Variants in RAB7A observed in about 807,000 individuals in gnomAD.
RAB7A encodes ras-related protein Rab-7a.
A neutral mutation model predicts 24.5 loss-of-function variants in RAB7A; 2 were observed. The ratio of observed to expected loss-of-function variants is 0.08; its 90% CI spans 0.03 to 0.26. The LOEUF is 0.26. Ranked by LOEUF, RAB7A falls within the 10% of genes least tolerant of loss-of-function variation. RAB7A has a pLI of 1.00. For synonymous variants in RAB7A, 100 were observed against 95.9 expected (o/e 1.04, Z -0.25); for missense variants, 118 against 255.7 (o/e 0.46, Z 3.67).
chr3:128,793,889 C>T (rs1933513604), intron 1 of RAB7A, among the ~76,000 whole-genome samples: 1 of 152,202 alleles, frequency 6.6e-6, no homozygotes, highest in Admixed American at 6.5e-5. Context: ...CTGCATAGGT[C>T]ATGGGACCTG....
chr3:128,810,042 A>G (rs914795233), intron 5 of RAB7A, among the ~76,000 whole-genome samples: 1 of 138,334 alleles, frequency 7.2e-6, no homozygotes, highest in Non-Finnish European at 1.5e-5. Flanking sequence ...TCCGCCTCCC[A>G]GGTTCAAGCG....
chr3:128,756,696 A>G (rs1411238207), intron 1 of RAB7A, among the ~76,000 whole-genome samples: 1 of 152,174 alleles, frequency 6.6e-6, no homozygotes, highest in Non-Finnish European at 1.5e-5. Flanking sequence ...CCAGTAGCCA[A>G]AATAATCTTG....
At chr3:128,785,369 C>G (rs1299662455) in intron 1 of RAB7A, 1 of 152,134 alleles carries the variant, frequency 6.6e-6, no homozygotes, top group Non-Finnish European at 1.5e-5. Flanking sequence ...AACATCTCTC[C>G]TATGCTGATC....
intron 1 of RAB7A, among the ~76,000 whole-genome samples, chr3:128,773,566 C>T (rs913716107): frequency 1.3e-5 from 2 of 152,176 alleles, no homozygotes; most frequent in Non-Finnish European, 1.5e-5. Context: ...CCCCTCTGCC[C>T]GGCCACCACC....
At chr3:128,809,811 G>A (rs1933881344) in intron 5 of RAB7A, among the ~76,000 whole-genome samples, 1 of 151,056 alleles carries the variant, frequency 6.6e-6, no homozygotes, top group Non-Finnish European at 1.5e-5. Context: ...TGTGCTAAAT[G>A]CTCGTATGTG....
chr3:128,726,518 G>A (rs1040933127), intron 1 of RAB7A, among the ~76,000 whole-genome samples, 159 bp downstream of exon 1: 15 of 152,240 alleles, frequency 9.9e-5, no homozygotes, highest in Non-Finnish European at 1.9e-4. Flanking sequence ...CCCGGAGCAG[G>A]CCAAGACCCC....
At chr3:128,801,916 A>C (rs1271100446) in intron 3 of RAB7A, among the ~76,000 whole-genome samples, 2 of 152,210 alleles carry the variant, frequency 1.3e-5, no homozygotes, top group Non-Finnish European at 2.9e-5. Flanking sequence ...CCTGACAAGC[A>C]CAGCACTGAG....
chr3:128,772,267 G>A (rs1215173769), intron 1 of RAB7A, among the ~76,000 whole-genome samples: 2 of 152,214 alleles, frequency 1.3e-5, no homozygotes, highest in Non-Finnish European at 2.9e-5. Context: ...CTGAAGGGCA[G>A]TGAAAGGCTA....
intron 1 of RAB7A, among the ~76,000 whole-genome samples, chr3:128,742,267 C>T (rs1273774501): frequency 1.3e-5 from 2 of 152,104 alleles, no homozygotes; most frequent in Non-Finnish European, 2.9e-5. Flanking sequence ...AGTGAAGCTG[C>T]AGACCTTCTC....
At chr3:128,733,813 T>A (rs529974545) in intron 1 of RAB7A, among the ~76,000 whole-genome samples, 71 of 152,298 alleles carry the variant, frequency 4.7e-4, no homozygotes, top group Non-Finnish European at 7.6e-4. Flanking sequence ...ACTTAAAAAT[T>A]TTAGGTGGAC....
chr3:128,797,262 T>A lies in RAB7A; in HGVS notation c.54-681T>A, dbSNP rs558089643. ...ACACAAATATGAACATGTTCCTTTG[T>A]GGCCAAGAAAGGTGATATCACTGGC... On this transcript the variant is annotated intron_variant, in intron 2 of 5. Transcript: ENST00000265062. Among the ~76,000 whole-genome samples, 10 of 152,316 alleles carry A rather than the reference T, an allele frequency of 6.6e-5. No homozygotes were observed. The East Asian group carries it at 1.9e-3, about 29-fold the overall frequency.
intron 1 of RAB7A, among the ~76,000 whole-genome samples, chr3:128,745,064 C>T (rs1460987444): frequency 6.6e-6 from 1 of 151,880 alleles, no homozygotes; most frequent in Admixed American, 6.6e-5. Context: ...TTAGTAGAGA[C>T]AGGGTTTCAC....
intron 1 of RAB7A, among the ~76,000 whole-genome samples, chr3:128,727,543 T>C (rs1427878464): frequency 6.6e-6 from 1 of 152,184 alleles, no homozygotes; most frequent in Admixed American, 6.5e-5. Flanking sequence ...ATCACACATA[T>C]TGTGGTGTAG....
intron 1 of RAB7A, among the ~76,000 whole-genome samples, chr3:128,746,204 C>T (rs892448815): frequency 6.6e-6 from 1 of 152,184 alleles, no homozygotes; most frequent in Non-Finnish European, 1.5e-5. Flanking sequence ...CTCCCACCAC[C>T]CCAGCCTCTG....
intron 4 of RAB7A, 133 bp from the exon 5 acceptor site, chr3:128,807,410 A>G (rs758043678): frequency 4.2e-5 from 57 of 1,357,070 alleles, no homozygotes; most frequent in Non-Finnish European, 5.8e-5. Flanking sequence ...CTCCTCCAAC[A>G]CCCTCTTTCC....
chr3:128,804,152 C>T, intron 3 of RAB7A, among the ~76,000 whole-genome samples: 1 of 149,466 alleles, frequency 6.7e-6, no homozygotes, highest in East Asian at 2.0e-4. Flanking sequence ...TAGACTTCAA[C>T]TTCAACTTAT....
At chr3:128,790,168 T>C (rs925801139) in intron 1 of RAB7A, among the ~76,000 whole-genome samples, 1 of 152,214 alleles carries the variant, frequency 6.6e-6, no homozygotes, top group African/African-American at 2.4e-5. Flanking sequence ...ACCTTTTAAC[T>C]TTTGCCAGTT....
At chr3:128,763,869 C>CT (rs994349612) in intron 1 of RAB7A, among the ~76,000 whole-genome samples, 2 of 53,528 alleles carry the variant, frequency 3.7e-5, no homozygotes, top group African/African-American at 3.3e-4. Context: ...TTCCCGCCCC[C>CT]CCCCCCGCCC....
intron 3 of RAB7A, among the ~76,000 whole-genome samples, chr3:128,800,789 T>C (rs537046668): frequency 8.5e-4 from 129 of 152,290 alleles, no homozygotes; most frequent in African/African-American, 3.0e-3. Flanking sequence ...TAAGGGCTAG[T>C]GGCAGAAGTT....
Sources: allele counts gnomAD v4.1 joint callset (sites outside exome capture counted in the v4.1 genomes callset), GRCh38; gene constraint gnomAD v4.1.1; transcripts MANE v1.5; gene names NCBI Gene and HGNC (gene_info 2026-07-23, HGNC 2026-07-21).